DAXX: variants seen among roughly 807,000 people sequenced by gnomAD.
The protein encoded by DAXX is death domain associated protein.
DAXX carries 24 observed loss-of-function variants against 61.9 expected under a neutral mutation model. That is an observed-to-expected ratio of 0.39 (90% CI 0.28 to 0.55). The LOEUF (loss-of-function observed/expected upper bound fraction) is 0.55. Among genes scored for constraint, DAXX ranks in the 20% least tolerant of loss-of-function variants. DAXX has a pLI of 0.69. For missense variants in DAXX, 819 were observed against 935.3 expected (o/e 0.88, Z 1.62); for synonymous variants, 357 against 369.5 (o/e 0.97, Z 0.39).
At position 33,321,820 on chromosome 6, in the gene DAXX, C is replaced by T. The variant is rs1360201867; in HGVS notation, c.106G>A (p.Ala36Thr). 2 of 1,612,316 alleles carry T rather than the reference C, an allele frequency of 1.2e-6. No homozygotes were observed. The highest frequency in any genetic ancestry group is 1.7e-6 in the Non-Finnish European group (2 of 1,178,880). ...HPLPNAASPG[A>T]EAPSSSEPHG... ...GGCTCAGAGGAGCTAGGGGCTTCTG[C>T]CCCAGGTGAGGCCGCATTGGGGAGT... The change falls in exon 2 of 8, where the codon GCA becomes ACA. Residue 36 changes from alanine (A) to threonine (T), a missense_variant. Transcript: ENST00000374542. This position sits in a 1 kb window ranked among gnomAD's most constrained non-coding sequence, Gnocchi z 7.2.
Position 33,322,908 on chromosome 6 carries a change from CTCGCATG to C in DAXX, c.-106_-100del. On this transcript the variant is annotated 5_prime_UTR_variant, in exon 1 of 8. It removes an upstream start codon present in the reference 5' UTR. Coordinates refer to ENST00000374542, the MANE Select transcript of DAXX (RefSeq NM_001141969.2). The stretch of plus-strand genomic sequence containing the variant: ...CGACCCTCGCCGCAATTCTCAGAAC[CTCGCATG>C]GTTCCCTCCGCCTTCCTTCCCACTC... 2 of 1,439,606 alleles carry C rather than the reference CTCGCATG, an allele frequency of 1.4e-6. No individual in the cohort carries two copies. Among genetic ancestry groups the C allele is most frequent in the South Asian group, 2.3e-5 (2 of 88,570 alleles). The allele number at this position is 1,439,606 out of a possible 1,614,324, so 89.2% of individuals were successfully genotyped here.
chr6:33,319,411 T>G lies in DAXX; in HGVS notation c.1909A>C (p.Lys637Gln), dbSNP rs200527264. The change falls in exon 6 of 8, where the codon AAG becomes CAG. Residue 637 changes from lysine to glutamine, a missense_variant. Coordinates refer to ENST00000374542, the MANE Select transcript of DAXX (RefSeq NM_001141969.2). ...CCTAATGGCCCTGATCCTGTTTGCT[T>G]CTTCTCCTTCCGAGATTTTTTGCAG... ...PPCKKSRKEK[K>Q]QTGSGPLGNS... is the part of the protein sequence containing the mutation. The G allele has an allele frequency of 6.6e-5, 106 of 1,613,000 alleles. No individual in the cohort carries two copies. Among genetic ancestry groups the G allele is most frequent in the South Asian group, 1.4e-4 (13 of 91,016 alleles).
At position 33,321,867 on chromosome 6, in the gene DAXX, G is replaced by C; in HGVS notation, c.59C>G (p.Ala20Gly). 1 of 1,612,544 alleles carries C rather than the reference G, an allele frequency of 6.2e-7. No homozygotes were observed. Among genetic ancestry groups the C allele is most frequent in the South Asian group, 1.1e-5 (1 of 91,058 alleles). The change falls in exon 2 of 8, where the codon GCT becomes GGT. Residue 20 changes from alanine to glycine, a missense_variant. Coordinates refer to ENST00000374542, the MANE Select transcript of DAXX (RefSeq NM_001141969.2). This position sits in a 1 kb window ranked among gnomAD's most constrained non-coding sequence, Gnocchi z 7.2. The part of the protein sequence containing the change: ...LDDDDEDEAA[A>G]QPGPSHPLPN... ...GAGTGGGTGGGAGGGCCCTGGCTGAGCAGCTGCTTCATCTTCGTCATCATC... is the reference window on the plus strand; with the variant it reads ...GAGTGGGTGGGAGGGCCCTGGCTGACCAGCTGCTTCATCTTCGTCATCATC...
In DAXX at chr6:33,319,083, G is replaced by A; in HGVS notation, c.2077C>T (p.Leu693=). 6.2e-7 allele frequency: 1 copy of A among 1,614,162 alleles called. No homozygotes were observed. The highest frequency in any genetic ancestry group is 8.5e-7 in the Non-Finnish European group (1 of 1,180,050). Residue 693 remains leucine (L), a synonymous_variant, in exon 7 of 8, where the codon CTG becomes TTG. Coordinates refer to ENST00000374542, the MANE Select transcript of DAXX (RefSeq NM_001141969.2). ...STRVDSPSHG[L]VTSSLCIPSP... ...GGGATGCAGAGGGAGCTGGTCACCA[G>A]GCCATGGCTGGGAGAGTCCACCCTC...
chr6:33,322,883 C>T lies in DAXX; in HGVS notation c.-74G>A, dbSNP rs1443942693. The T allele has an allele frequency of 1.4e-6, 2 of 1,440,224 alleles. No homozygotes were observed. Among genetic ancestry groups the T allele is most frequent in the South Asian group, 1.1e-5 (1 of 88,582 alleles). The allele number at this position is 1,440,224 out of a possible 1,614,324, so 89.2% of individuals were successfully genotyped here. A position where few individuals can be genotyped will look rare whatever the true frequency, so the allele number is the denominator to read the frequency against. On this transcript the variant is annotated 5_prime_UTR_variant, in exon 1 of 8. Transcript: ENST00000374542. ...CCACCTCAGAAACCGTCTCTCGAGGCGACCCTCGCCGCAATTCTCAGAACC... is the reference window on the plus strand; with the variant it reads ...CCACCTCAGAAACCGTCTCTCGAGGTGACCCTCGCCGCAATTCTCAGAACC...
rs1770190469 is a variant in DAXX, at chr6:33,319,105, C to T, written c.2055G>A (p.Arg685=). 6.2e-7 allele frequency: 1 copy of T among 1,614,136 alleles called. No individual in the cohort carries two copies. Among genetic ancestry groups the T allele is most frequent in the African/African-American group, 1.3e-5 (1 of 75,052 alleles). Residue 685 remains arginine, a synonymous_variant, in exon 7 of 8, where the codon AGG becomes AGA. Coordinates refer to ENST00000374542, the MANE Select transcript of DAXX (RefSeq NM_001141969.2). ...SLAPVADSST[R]VDSPSHGLVT... ...CCAGGCCATGGCTGGGAGAGTCCAC[C>T]CTCGTGGAGGAATCAGCAACTGGGG...
Position 33,319,130 on chromosome 6 carries a change from G to A in DAXX, c.2030C>T (p.Ala677Val), listed in dbSNP as rs753556048. 1.7e-5 allele frequency: 28 copies of A among 1,614,072 alleles called. No individual in the cohort carries two copies. The African/African-American group carries it at 2.0e-4, about 12-fold the overall frequency. Residue 677 changes from alanine (A) to valine (V), a missense_variant, in exon 7 of 8, where the codon GCC (alanine) becomes GTC (valine). By Grantham distance (64) the Ala-to-Val change is moderately conservative. Coordinates refer to ENST00000374542, the MANE Select transcript of DAXX (RefSeq NM_001141969.2). ...PSPPSPLASL[A>V]PVADSSTRVD... ...CCTCGTGGAGGAATCAGCAACTGGG[G>A]CCAAGGAAGCCAAGGGGGAAGGTGG...
chr6:33,322,125 A>G, intron 1 of DAXX, 148 bp from the exon 2 acceptor site: 1 of 498,854 alleles, frequency 2.0e-6, no homozygotes, highest in Non-Finnish European at 3.4e-6. Flanking sequence ...CATTAGTTCT[A>G]TATGCTTTTT....
chr6:33,320,652 C>T lies in DAXX; in HGVS notation c.1040-61G>A. ...CTTGAAGGGACTAGAAGAGTAAAAA[C>T]CCTAGAAAGGACTAGAGAGATGCCC... is the stretch of plus-strand genomic sequence containing the variant. On this transcript the variant is annotated intron_variant, in intron 3 of 7. Transcript: ENST00000374542. The surrounding 1 kb of genome is among the most constrained non-coding windows in gnomAD (Gnocchi z 7.1). 1 of 1,603,828 alleles carries T rather than the reference C, an allele frequency of 6.2e-7. No homozygotes were observed. Among genetic ancestry groups the T allele is most frequent in the Non-Finnish European group, 8.5e-7 (1 of 1,174,420 alleles).
rs145347312 is a variant in DAXX at position 33,320,045 on chromosome 6, A to G, written c.1431T>C (p.Asp477=). 3.1e-6 allele frequency: 5 copies of G among 1,613,158 alleles called. No homozygotes were observed. The highest frequency in any genetic ancestry group is 1.3e-5 in the African/African-American group (1 of 74,820). ...CTTCTTCCTCTTCGTCCTCCTCTTCATCATCCTCCTGACCCTCCTGCATCT... is the reference window on the plus strand; with the variant it reads ...CTTCTTCCTCTTCGTCCTCCTCTTCGTCATCCTCCTGACCCTCCTGCATCT... The part of the protein sequence containing the change: ...LEQMQEGQED[D]EEEDEEEEAA... The change falls in exon 5 of 8, where the codon GAT becomes GAC. Residue 477 remains aspartate, a synonymous_variant. Transcript: ENST00000374542. This position sits in a 1 kb window ranked among gnomAD's most constrained non-coding sequence, Gnocchi z 7.1.
Position 33,321,986 on chromosome 6 carries a change from G to T in DAXX, c.-52-9C>A. 1 of 1,553,818 alleles carries T rather than the reference G, an allele frequency of 6.4e-7. No homozygotes were observed. ...GGATTTCAGAATTCCTGCTGGAAGG[G>T]GATGGGGCCTCAGAATGAGCCCCTC... On this transcript the variant is annotated splice_polypyrimidine_tract_variant and intron_variant, in intron 1 of 7. Transcript: ENST00000374542. The surrounding 1 kb of genome is among the most constrained non-coding windows in gnomAD (Gnocchi z 7.2).
At position 33,321,427 on chromosome 6, in the gene DAXX, G is replaced by A. The variant is rs151092327; in HGVS notation, c.348C>T (p.Ala116=). ...CATAGAGCTTGGCTGGCCGGCTCCG[G>A]GCCCGAGACAGGACCCTAGAGAGGA... The part of the protein sequence containing the change: ...CNILSRVLSR[A]RSRPAKLYVY... Residue 116 remains alanine (A), a synonymous_variant, in exon 3 of 8, where the codon GCC becomes GCT. Coordinates refer to ENST00000374542, the MANE Select transcript of DAXX (RefSeq NM_001141969.2). The surrounding 1 kb of genome is among the most constrained non-coding windows in gnomAD (Gnocchi z 7.2). 338 of 1,613,894 alleles carry A rather than the reference G, an allele frequency of 2.1e-4. No individual in the cohort carries two copies. The highest frequency in any genetic ancestry group is 2.8e-4 in the Non-Finnish European group (326 of 1,179,912).
chr6:33,318,792 GC>G lies in DAXX; in HGVS notation c.2173del (p.Ala725ProfsTer41). The G allele has an allele frequency of 6.4e-7, 1 of 1,552,196 alleles. No homozygotes were observed. Among genetic ancestry groups the G allele is most frequent in the Non-Finnish European group, 8.8e-7 (1 of 1,137,670 alleles). On this transcript the variant is annotated frameshift_variant, in exon 8 of 8. Coordinates refer to ENST00000374542, the MANE Select transcript of DAXX (RefSeq NM_001141969.2). LOFTEE classifies it high-confidence loss of function. ...GATCTCTTCTGGATCGCATTGTGTG[GC>G]CACACTTGTCTGCAGGGAAGTGAGA... ...PRPGTCKTSV[A>X]TQCDPEEIIV...
Position 33,319,484 on chromosome 6 carries a change from G to C in DAXX, c.1836C>G (p.Ser612=), listed in dbSNP as rs764000410. The C allele has an allele frequency of 6.2e-7, 1 of 1,614,082 alleles. No homozygotes were observed. The highest frequency in any genetic ancestry group is 8.5e-7 in the Non-Finnish European group (1 of 1,180,044). The part of the protein sequence containing the change: ...ENGAGMVSST[S]FNGGVSPHNW... ...TGTGAGGAGAGACGCCTCCATTGAA[G>C]GAAGTAGAAGAGACCATGCCTGCTC... Residue 612 remains serine, a synonymous_variant, in exon 6 of 8, where the codon TCC becomes TCG. Coordinates refer to ENST00000374542, the MANE Select transcript of DAXX (RefSeq NM_001141969.2).
At position 33,320,223 on chromosome 6, in the gene DAXX, C is replaced by G. The variant is rs1433988747; in HGVS notation, c.1253G>C (p.Gly418Ala). The change falls in exon 5 of 8, where the codon GGC becomes GCC. Residue 418 changes from glycine to alanine, a missense_variant and splice_region_variant. Transcript: ENST00000374542. This position sits in a 1 kb window ranked among gnomAD's most constrained non-coding sequence, Gnocchi z 7.1. The part of the protein sequence containing the change: ...TPEASLDSGE[G>A]PSGMASQGCP... The stretch of plus-strand genomic sequence containing the variant: ...CCCCTGGGATGCCATTCCACTAGGG[C>G]CCTGGGAGACAAAGAAGTTTCTCTA... The G allele has an allele frequency of 6.2e-7, 1 of 1,606,070 alleles. No homozygotes were observed. The highest frequency in any genetic ancestry group is 8.5e-7 in the Non-Finnish European group (1 of 1,172,894).
Position 33,320,305 on chromosome 6 carries a change from C to T in DAXX, c.1251+75G>A. On this transcript the variant is annotated intron_variant, in intron 4 of 7. Coordinates refer to ENST00000374542, the MANE Select transcript of DAXX (RefSeq NM_001141969.2). This position sits in a 1 kb window ranked among gnomAD's most constrained non-coding sequence, Gnocchi z 7.1. ...TGCTTTCCTTCTCATGCTCCCCCAT[C>T]AGTCAACCTGGACTCCCTGGTGGCC... The T allele has an allele frequency of 7.0e-7, 1 of 1,433,970 alleles. No homozygotes were observed. Among genetic ancestry groups the T allele is most frequent in the Non-Finnish European group, 9.8e-7 (1 of 1,015,738 alleles). 88.8% of individuals were successfully genotyped at this position (1,433,970 alleles called of 1,614,324 possible).
chr6:33,320,338 G>A lies in DAXX; in HGVS notation c.1251+42C>T. 2.0e-6 allele frequency: 3 copies of A among 1,497,262 alleles called. No homozygotes were observed. Among genetic ancestry groups the A allele is most frequent in the Non-Finnish European group, 2.8e-6 (3 of 1,073,148 alleles). 92.7% of individuals were successfully genotyped at this position (1,497,262 alleles called of 1,614,324 possible). On this transcript the variant is annotated intron_variant, in intron 4 of 7. Transcript: ENST00000374542. The surrounding 1 kb of genome is among the most constrained non-coding windows in gnomAD (Gnocchi z 7.1). ...CTGGACTCCCTGGTGGCCAGTGCAG[G>A]GGAAGGACAATGTCTCTCTGAAGGC...
At position 33,321,942 on chromosome 6, in the gene DAXX, CGGAG is replaced by C. The variant is rs1364639881; in HGVS notation, c.-21_-18del. 1 of 1,597,090 alleles carries C rather than the reference CGGAG, an allele frequency of 6.3e-7. No individual in the cohort carries two copies. The highest frequency in any genetic ancestry group is 8.5e-7 in the Non-Finnish European group (1 of 1,170,154). ...GGTGGCCATAGGGGATCAAATCCCC[CGGAG>C]GGAGGAAGTGGTGGGGATTTCAGAA... On this transcript the variant is annotated 5_prime_UTR_variant, in exon 2 of 8. It removes the in-frame stop codon of an upstream open reading frame in the 5' UTR. Transcript: ENST00000374542. The surrounding 1 kb of genome is among the most constrained non-coding windows in gnomAD (Gnocchi z 7.2).
intron 1 of DAXX, 100 bp downstream of exon 1, chr6:33,322,762 A>C: frequency 2.1e-6 from 1 of 478,678 alleles, no homozygotes; most frequent in Non-Finnish European, 3.9e-6. Context: ...ACAGGAAGGT[A>C]CCACAGCTTT....
Sources: allele counts gnomAD v4.1 joint callset, GRCh38; gene constraint gnomAD v4.1.1; non-coding constraint Gnocchi (gnomAD v3.1); transcripts MANE v1.5; gene names NCBI Gene and HGNC (gene_info 2026-07-23, HGNC 2026-07-21).